NRG1: variants seen among roughly 807,000 people sequenced by gnomAD.
NRG1 encodes the protein pro-neuregulin-1, membrane-bound isoform.
A neutral mutation model predicts 63.8 loss-of-function variants in NRG1; 18 were observed. That is an observed-to-expected ratio of 0.28 (90% CI 0.19 to 0.42). NRG1 has a LOEUF of 0.42. Among genes scored for constraint, NRG1 ranks in the 10% least tolerant of loss-of-function variants. The pLI, the probability that NRG1 is intolerant of heterozygous loss-of-function variation, is 1.00. For missense variants in NRG1, 762 were observed against 814.7 expected, an observed-to-expected ratio of 0.94 and a Z score of 0.79; for synonymous variants, 302 against 301.3, an observed-to-expected ratio of 1.00 and a Z score of -0.02.
intron 1 of NRG1, among the ~76,000 whole-genome samples, chr8:31,785,722 T>C (rs1820108721): frequency 6.6e-6 from 1 of 152,254 alleles, no homozygotes; most frequent in African/African-American, 2.4e-5. Context: ...TTTTTGTTTT[T>C]TTCTTTAATC....
rs1040625791 is a variant in NRG1 at position 32,210,467 on chromosome 8, T to A, written c.38-385361T>A. ...AGACCTCCCGAAAGGGTCTTGAAGA[T>A]CCATGAGCAATCCCTGGACCACACT... On this transcript the variant is annotated intron_variant, in intron 1 of 10. Transcript: ENST00000519301. 4.6e-5 allele frequency among the ~76,000 whole-genome samples: 7 copies of A among 152,158 alleles called. No individual in the cohort carries two copies. The East Asian group carries it at 1.4e-3, about 29-fold the overall frequency.
At chr8:32,409,362 G>T (rs970378141) in intron 1 of NRG1, among the ~76,000 whole-genome samples, 1 of 152,088 alleles carries the variant, frequency 6.6e-6, no homozygotes, top group Admixed American at 6.5e-5. Context: ...TCATTACTAA[G>T]ACCCCAAAAG....
intron 1 of NRG1, among the ~76,000 whole-genome samples, chr8:32,423,020 T>C (rs941312504): frequency 1.3e-5 from 2 of 152,180 alleles, no homozygotes; most frequent in African/African-American, 2.4e-5. Flanking sequence ...AGTGACCCAG[T>C]ACAAGTTGTC....
At chr8:32,580,282 G>A (rs1488706438) in intron 1 of NRG1, among the ~76,000 whole-genome samples, 1 of 152,088 alleles carries the variant, frequency 6.6e-6, no homozygotes, top group Non-Finnish European at 1.5e-5. Flanking sequence ...ACAGGTTCTG[G>A]GGATCAGGAT....
intron 1 of NRG1, among the ~76,000 whole-genome samples, chr8:32,447,574 G>A (rs77917834): frequency 0.019 from 2,883 of 152,128 alleles, 32 homozygotes; most frequent in Middle Eastern, 0.041. Context: ...TTGCTTAAAG[G>A]AAACTGAATA....
chr8:32,614,368 T>A (rs1846925662), intron 3 of NRG1, 146 bp from the exon 4 acceptor site: 1 of 610,472 alleles, frequency 1.6e-6, no homozygotes, highest in Admixed American at 2.7e-5. Flanking sequence ...TTTCTCACTC[T>A]CTGTATGGTT....
intron 1 of NRG1, among the ~76,000 whole-genome samples, chr8:32,538,227 AGGCACCCTCT>A (rs1832222472): frequency 6.6e-6 from 1 of 152,158 alleles, no homozygotes; most frequent in South Asian, 2.1e-4. Flanking sequence ...ACTGAGTGAC[AGGCACCCTCT>A]GAGAGGGAGC....
In NRG1 at chr8:32,616,825, T is replaced by G; in HGVS notation, c.452-10T>G. 1 of 1,601,292 alleles carries G rather than the reference T, an allele frequency of 6.2e-7. No individual in the cohort carries two copies. The highest frequency in any genetic ancestry group is 8.6e-7 in the Non-Finnish European group (1 of 1,168,676). Reference sequence around the variant, plus strand: ...TCAATAAAGCCTCATTCCACTTTTATGTTTTATAGAGTCTCCCATTAGAAT... The same window carrying G: ...TCAATAAAGCCTCATTCCACTTTTAGGTTTTATAGAGTCTCCCATTAGAAT... On this transcript the variant is annotated splice_polypyrimidine_tract_variant and intron_variant, in intron 4 of 11. Coordinates refer to ENST00000356819, the Ensembl canonical transcript of NRG1.
chr8:32,452,981 A>T (rs1202138956), intron 1 of NRG1, among the ~76,000 whole-genome samples: 1 of 152,148 alleles, frequency 6.6e-6, no homozygotes, highest in Non-Finnish European at 1.5e-5. Context: ...CTATTTTTCC[A>T]TTTTAGAATG....
At chr8:32,675,533 CT>C (rs1414584820) in intron 5 of NRG1, among the ~76,000 whole-genome samples, 45 of 152,242 alleles carry the variant, frequency 3.0e-4, no homozygotes, top group African/African-American at 1.0e-3. Flanking sequence ...AACACCTTGG[CT>C]GTATTCAAAG....
intron 1 of NRG1, among the ~76,000 whole-genome samples, chr8:31,976,614 T>C (rs559533042): frequency 4.6e-4 from 70 of 152,272 alleles, no homozygotes; most frequent in Admixed American, 2.0e-3. Context: ...ATCTCAGCTG[T>C]TTTCACTTTG....
intron 5 of NRG1, among the ~76,000 whole-genome samples, chr8:32,625,580 T>C (rs575102899): frequency 1.3e-5 from 2 of 152,332 alleles, no homozygotes; most frequent in South Asian, 2.1e-4. Context: ...ATTTAATCAG[T>C]CTTTCCTTTA....
chr8:32,513,705 T>C (rs1272434351), intron 1 of NRG1, among the ~76,000 whole-genome samples: 1 of 152,128 alleles, frequency 6.6e-6, no homozygotes, highest in Admixed American at 6.6e-5. Context: ...CCAACAGCAT[T>C]TTTATATATA....
At chr8:32,000,765 T>G (rs536039642) in intron 1 of NRG1, among the ~76,000 whole-genome samples, 14 of 152,154 alleles carry the variant, frequency 9.2e-5, no homozygotes, top group African/African-American at 2.9e-4. Context: ...ATATATTAGG[T>G]TGGTGCAACA....
At chr8:32,158,448 G>GATATATATATATAT (rs36087607) in intron 1 of NRG1, among the ~76,000 whole-genome samples, 3,495 of 61,952 alleles carry the variant, frequency 0.056, 444 homozygotes, top group Non-Finnish European at 0.082. Flanking sequence ...TGGTTTACAT[G>GATATATATATATAT]ATATATATAT....
At chr8:31,872,483 T>A (rs562189937) in intron 1 of NRG1, among the ~76,000 whole-genome samples, 1 of 152,202 alleles carries the variant, frequency 6.6e-6, no homozygotes, top group Non-Finnish European at 1.5e-5. Context: ...CCTGGTGGCA[T>A]CTGTTAGTTT....
At chr8:32,762,009 A>G (rs945634222) in intron 11 of NRG1, among the ~76,000 whole-genome samples, 3 of 134,058 alleles carry the variant, frequency 2.2e-5, no homozygotes, top group African/African-American at 5.5e-5. Context: ...ACTGTACTCC[A>G]GCCTAGGCAA....
Position 31,853,086 on chromosome 8 carries a change from C to T in NRG1, c.37+213655C>T, listed in dbSNP as rs554342697. 2.2e-4 allele frequency among the ~76,000 whole-genome samples: 34 copies of T among 151,984 alleles called. No homozygotes were observed. The South Asian group carries it at 4.2e-3, about 19-fold the overall frequency. On this transcript the variant is annotated intron_variant, in intron 1 of 10. Transcript: ENST00000519301. Reference sequence around the variant, plus strand: ...TTCTTTTGGCTCAGGATTGACTTGGCGATGCGGGCTCTTTTTTGGTTCCAT... The same window carrying T: ...TTCTTTTGGCTCAGGATTGACTTGGTGATGCGGGCTCTTTTTTGGTTCCAT...
chr8:32,568,363 T>C (rs535086475), intron 1 of NRG1, among the ~76,000 whole-genome samples: 28 of 152,342 alleles, frequency 1.8e-4, no homozygotes, highest in Non-Finnish European at 3.2e-4. Flanking sequence ...GGAGTTTGCT[T>C]TGGTTTTTCC....
Sources: gnomAD v4.1 joint callset for allele counts (sites outside exome capture counted in the v4.1 genomes callset) on GRCh38, gnomAD v4.1.1 for gene constraint, MANE v1.5 for transcripts, NCBI Gene and HGNC (gene_info 2026-07-23, HGNC 2026-07-21) for gene names.